KLHL32: variants seen among roughly 807,000 people sequenced by gnomAD.
The protein encoded by KLHL32 is kelch-like protein 32.
KLHL32 carries 35 observed loss-of-function variants against 64.8 expected under a neutral mutation model. The ratio of observed to expected loss-of-function variants is 0.54; its 90% CI spans 0.41 to 0.72. KLHL32 has a LOEUF of 0.72. Ranked by LOEUF, KLHL32 falls within the 30% of genes least tolerant of loss-of-function variation. The probability of loss-of-function intolerance (pLI) is 0.00; values close to 1 mark genes in which losing one functional copy is unlikely to be tolerated. For synonymous variants in KLHL32, 259 were observed against 281.0 expected (o/e 0.92, Z 0.78); for missense variants, 589 against 768.5 (o/e 0.77, Z 2.76).
At chr6:96,984,282 G>A (rs1776723457) in intron 3 of KLHL32, among the ~76,000 whole-genome samples, 1 of 152,172 alleles carries the variant, frequency 6.6e-6, no homozygotes, top group Admixed American at 6.6e-5. Context: ...CATTTGCTGA[G>A]GAGTGCTTTA....
At chr6:97,074,868 A>G (rs756692842) in intron 5 of KLHL32, among the ~76,000 whole-genome samples, 1 of 146,922 alleles carries the variant, frequency 6.8e-6, no homozygotes, top group East Asian at 1.9e-4. Context: ...TTAAAAGAAA[A>G]TATATATATA....
At chr6:97,095,173 G>C (rs1034761714) in intron 6 of KLHL32, among the ~76,000 whole-genome samples, 2 of 152,138 alleles carry the variant, frequency 1.3e-5, no homozygotes, top group Admixed American at 6.5e-5. Flanking sequence ...ATCCAGAAAG[G>C]ACGATGCTTA....
intron 3 of KLHL32, among the ~76,000 whole-genome samples, chr6:97,015,837 C>T (rs566610007): frequency 1.1e-4 from 16 of 152,184 alleles, no homozygotes; most frequent in East Asian, 3.9e-4. Context: ...TTTCATGGGT[C>T]GGCCCGTCAC....
chr6:96,988,947 C>T (rs1236928423), intron 3 of KLHL32, among the ~76,000 whole-genome samples: 2 of 151,750 alleles, frequency 1.3e-5, no homozygotes. Context: ...CACACTGGGG[C>T]CTGTTGTGGG....
chr6:97,117,037 G>A (rs778303789), intron 7 of KLHL32, among the ~76,000 whole-genome samples: 6 of 152,084 alleles, frequency 3.9e-5, no homozygotes, highest in Admixed American at 6.5e-5. Context: ...AGAGGAAATC[G>A]CCAGTGACAT....
intron 9 of KLHL32, among the ~76,000 whole-genome samples, chr6:97,132,239 G>T (rs1200098548): frequency 6.6e-6 from 1 of 152,162 alleles, no homozygotes; most frequent in African/African-American, 2.4e-5. Flanking sequence ...GCTTCTTGGG[G>T]TTGCAGCTGT....
chr6:97,100,119 G>A (rs757071354), intron 6 of KLHL32, among the ~76,000 whole-genome samples: 7 of 151,986 alleles, frequency 4.6e-5, no homozygotes, highest in Non-Finnish European at 5.9e-5. Flanking sequence ...TCCAGCCTAG[G>A]TGACAGAGTG....
chr6:96,921,100 T>G (rs1230116790), upstream of KLHL32, among the ~76,000 whole-genome samples: 1 of 152,250 alleles, frequency 6.6e-6, no homozygotes, highest in Non-Finnish European at 1.5e-5. Context: ...AATTACAATT[T>G]ATTTTTAAAT....
chr6:96,986,576 C>T (rs953131302), intron 3 of KLHL32, among the ~76,000 whole-genome samples: 3 of 152,150 alleles, frequency 2.0e-5, no homozygotes, highest in South Asian at 4.1e-4. Flanking sequence ...CAATGGCGGG[C>T]GCCCCTCCCC....
intron 7 of KLHL32, among the ~76,000 whole-genome samples, chr6:97,125,022 T>C (rs35405799): frequency 0.081 from 12,387 of 152,202 alleles, 881 homozygotes; most frequent in African/African-American, 0.2. Flanking sequence ...TAAAATGAGA[T>C]ATTCAATGAG....
chr6:97,110,711 A>G (rs1267754092), intron 6 of KLHL32, among the ~76,000 whole-genome samples: 1 of 152,212 alleles, frequency 6.6e-6, no homozygotes, highest in Non-Finnish European at 1.5e-5. Flanking sequence ...TCAAAAAGGA[A>G]GTAAAGCACG....
chr6:96,977,554 A>AT (rs34350775), intron 3 of KLHL32, among the ~76,000 whole-genome samples: 33,334 of 152,104 alleles, frequency 0.22, 4,149 homozygotes, highest in African/African-American at 0.34. Context: ...GGGAATATAA[A>AT]CAATTTAATT....
At chr6:97,135,030 A>G (rs187452209) in intron 10 of KLHL32, among the ~76,000 whole-genome samples, 116 of 152,278 alleles carry the variant, frequency 7.6e-4, no homozygotes, top group African/African-American at 2.8e-3. Flanking sequence ...ACCACTGAGG[A>G]TATTTGAGAG....
rs1290413617 is a variant in KLHL32 at position 96,966,718 on chromosome 6, CTT to C, written c.-65-277_-65-276del. Among the ~76,000 whole-genome samples, 11 of 152,280 alleles carry C rather than the reference CTT, an allele frequency of 7.2e-5. No individual in the cohort carries two copies. In the East Asian group the frequency reaches 1.7e-3, roughly 24 times the overall value. ...TTTCTTTCCTTTGGCCATTCCATCT[CTT>C]GTTTTAATTTTTACTTCAACACTTA... On this transcript the variant is annotated intron_variant, in intron 1 of 10. Transcript: ENST00000369261.
chr6:96,960,989 T>C (rs1209731659), intron 1 of KLHL32, among the ~76,000 whole-genome samples: 3 of 152,116 alleles, frequency 2.0e-5, no homozygotes, highest in African/African-American at 7.2e-5. Flanking sequence ...TCGGAAAGAA[T>C]AGATTGTAAG....
intron 6 of KLHL32, among the ~76,000 whole-genome samples, chr6:97,099,363 C>T (rs897136436): frequency 5.9e-5 from 9 of 152,218 alleles, no homozygotes; most frequent in Non-Finnish European, 8.8e-5. Context: ...TTCAGTGTGG[C>T]CTTCTCTATC....
intron 10 of KLHL32, among the ~76,000 whole-genome samples, chr6:97,133,959 T>C (rs1462820340): frequency 6.6e-6 from 1 of 152,122 alleles, no homozygotes; most frequent in African/African-American, 2.4e-5. Context: ...AAGTATTGTT[T>C]AGTATTATGT....
rs553225782 is a variant in KLHL32, at chr6:96,939,704, A to G, written c.-66+14678A>G. ...GGGAAATGTGCTGGAGGACGGGTAG[A>G]GAAGGACTGCACACAGGCCTATAAA... On this transcript the variant is annotated intron_variant, in intron 1 of 10. Coordinates refer to ENST00000369261, the MANE Select transcript of KLHL32 (RefSeq NM_052904.4). Among the ~76,000 whole-genome samples, 32 of 152,268 alleles carry G rather than the reference A, an allele frequency of 2.1e-4. No individual in the cohort carries two copies. The East Asian group carries it at 5.8e-3, about 28-fold the overall frequency.
chr6:96,943,036 T>TACACACACACAC lies in KLHL32; in HGVS notation c.-66+18033_-66+18044dup, dbSNP rs113696398. ...TGAGATGTATTGTTCATGCTCCCTC[T>TACACACACACAC]ACACACACACACACACACACACACA... is the stretch of plus-strand genomic sequence containing the variant. On this transcript the variant is annotated intron_variant, in intron 1 of 10. Transcript: ENST00000369261. Among the ~76,000 whole-genome samples the TACACACACACAC allele has an allele frequency of 1.0e-3, 148 of 146,432 alleles. 1 individual carries two copies. The highest frequency in any genetic ancestry group is 2.6e-3 in the Admixed American group (38 of 14,700).
Sources: allele counts gnomAD v4.1 joint callset (sites outside exome capture counted in the v4.1 genomes callset), GRCh38; gene constraint gnomAD v4.1.1; transcripts MANE v1.5; gene names NCBI Gene and HGNC (gene_info 2026-07-23, HGNC 2026-07-21).